Variants in SLCO4A1 observed in about 807,000 individuals in gnomAD.
SLCO4A1 encodes colon organic anion transporter.
In SLCO4A1, 51 loss-of-function variants were observed where a neutral mutation model predicts 64.6. That is an observed-to-expected ratio of 0.79 (90% CI 0.63 to 1.00). The LOEUF (loss-of-function observed/expected upper bound fraction) is 1.00. Ranked by LOEUF, SLCO4A1 falls within the 50% of genes least tolerant of loss-of-function variation. The pLI, the probability that SLCO4A1 is intolerant of heterozygous loss-of-function variation, is 0.00. For synonymous variants in SLCO4A1, 471 were observed against 444.9 expected (o/e 1.06, Z -0.74); for missense variants, 919 against 980.5 (o/e 0.94, Z 0.84).
At chr20:62,677,907 G>A (rs1987666963) in intron 2 of SLCO4A1, among the ~76,000 whole-genome samples, 1 of 152,260 alleles carries the variant, frequency 6.6e-6, no homozygotes, top group African/African-American at 2.4e-5. Flanking sequence ...TCCCCAGCTG[G>A]GCTCTCTGTC....
intron 2 of SLCO4A1, among the ~76,000 whole-genome samples, chr20:62,680,388 A>G (rs1041833433): frequency 1.3e-5 from 2 of 152,174 alleles, no homozygotes; most frequent in Non-Finnish European, 2.9e-5. Context: ...TGGAACCTCC[A>G]GTACAATGTC....
chr20:62,690,254 G>A (rs1260470457), downstream of SLCO4A1, among the ~76,000 whole-genome samples: 2 of 152,240 alleles, frequency 1.3e-5, no homozygotes, highest in Non-Finnish European at 2.9e-5. Flanking sequence ...CAGGGAGACA[G>A]ACAACCTCTG....
intron 1 of SLCO4A1, among the ~76,000 whole-genome samples, chr20:62,656,079 C>T (rs1053304433): frequency 6.6e-6 from 1 of 152,274 alleles, no homozygotes; most frequent in Admixed American, 6.5e-5. Flanking sequence ...ACCGCTGAAG[C>T]GGCAGCTTCT....
rs1055176225 is a variant in SLCO4A1 at position 62,644,018 on chromosome 20, T to G, written c.-97+1465T>G. Among the ~76,000 whole-genome samples, 6 of 152,236 alleles carry G rather than the reference T, an allele frequency of 3.9e-5. No homozygotes were observed. Among genetic ancestry groups the G allele is most frequent in the African/African-American group, 1.4e-4 (6 of 41,460 alleles). On this transcript the variant is annotated intron_variant, in intron 1 of 11. Transcript: ENST00000217159. The surrounding 1 kb of genome is among the most constrained non-coding windows in gnomAD (Gnocchi z 5.4). ...CTGATCCAGGCTTGGGCTCCTGTTT[T>G]ACGACTCTGTTCTTAAAGAGGCAAA... is the stretch of plus-strand genomic sequence containing the variant.
At chr20:62,658,569 G>A in intron 2 of SLCO4A1, 108 bp from the exon 3 acceptor site, 2 of 818,806 alleles carry the variant, frequency 2.4e-6, no homozygotes, top group Non-Finnish European at 4.0e-6. Context: ...GTGGGCCGGA[G>A]ATGCAGAATG....
At chr20:62,655,289 C>T (rs572821020) in intron 1 of SLCO4A1, among the ~76,000 whole-genome samples, 5 of 139,412 alleles carry the variant, frequency 3.6e-5, no homozygotes, top group East Asian at 2.3e-4. Context: ...ACAGCAGCCC[C>T]GGGAAGGACC....
At position 62,665,199 on chromosome 20, in the gene SLCO4A1, C is replaced by T. The variant is rs563449831; in HGVS notation, c.1276+111C>T. ...AGACAGGGCACATGGCAGTGAGTGC[C>T]CTCCCACCCCCGCTGCCAGAGCAGG... On this transcript the variant is annotated intron_variant, in intron 6 of 11. Coordinates refer to ENST00000217159, the MANE Select transcript of SLCO4A1 (RefSeq NM_016354.4). 6.8e-5 allele frequency: 83 copies of T among 1,225,872 alleles called. No homozygotes were observed. In the African/African-American group the frequency reaches 9.8e-4, roughly 15 times the overall value. 75.9% of individuals were successfully genotyped at this position (1,225,872 alleles called of 1,614,324 possible). A position where few individuals can be genotyped will look rare whatever the true frequency, so the allele number is the denominator to read the frequency against.
At chr20:62,665,678 C>A (rs1352687061) in intron 6 of SLCO4A1, among the ~76,000 whole-genome samples, 4 of 152,162 alleles carry the variant, frequency 2.6e-5, no homozygotes, top group African/African-American at 9.7e-5. Flanking sequence ...CCCTCCCTCC[C>A]CCACAGGCCC....
In SLCO4A1 at chr20:62,661,079, C is replaced by A; in HGVS notation, c.1025C>A (p.Ala342Glu). Residue 342 changes from alanine to glutamate, a missense_variant, in exon 5 of 12, where the codon GCG (alanine) becomes GAG (glutamate). Ala to Glu is a moderately radical substitution (Grantham distance 107). Coordinates refer to ENST00000217159, the MANE Select transcript of SLCO4A1 (RefSeq NM_016354.4). The surrounding 1 kb of genome is among the most constrained non-coding windows in gnomAD (Gnocchi z 5.2). ...GCCCTTCCAGGCTCCCAGCGCTACG[C>A]GGTCATGAGAGCGGCGGAAATGCAC... ...PRQLPGSQRYAVMRAAEMHQL... is the reference protein window; with the variant it reads ...PRQLPGSQRYEVMRAAEMHQL... 1.2e-6 allele frequency: 2 copies of A among 1,612,024 alleles called. No individual in the cohort carries two copies. The highest frequency in any genetic ancestry group is 1.7e-6 in the Non-Finnish European group (2 of 1,179,338).
chr20:62,688,603 G>A (rs1016152214), downstream of SLCO4A1, among the ~76,000 whole-genome samples: 3 of 152,216 alleles, frequency 2.0e-5, no homozygotes, highest in South Asian at 2.1e-4. Context: ...TGGAATGGAC[G>A]CAGGGCCCAG....
At chr20:62,655,063 C>A (rs1983393054) in intron 1 of SLCO4A1, among the ~76,000 whole-genome samples, 1 of 152,242 alleles carries the variant, frequency 6.6e-6, no homozygotes, top group Non-Finnish European at 1.5e-5. Context: ...GCCTGAGTTT[C>A]AAAAACTGTC....
At chr20:62,666,750 A>AAGGC in intron 7 of SLCO4A1, 175 bp downstream of exon 7, 1 of 626,004 alleles carries the variant, frequency 1.6e-6, no homozygotes, top group Non-Finnish European at 2.8e-6. Flanking sequence ...TCCACGTGAA[A>AAGGC]AGGCACCATG....
Position 62,664,921 on chromosome 20 carries a change from C to T in SLCO4A1, c.1122-13C>T, listed in dbSNP as rs1419564570. 3 of 1,587,272 alleles carry T rather than the reference C, an allele frequency of 1.9e-6. No individual in the cohort carries two copies. The highest frequency in any genetic ancestry group is 2.2e-5 in the East Asian group (1 of 44,514). On this transcript the variant is annotated splice_polypyrimidine_tract_variant and intron_variant, in intron 5 of 11. Transcript: ENST00000217159. ...ACCCTCAGTCTCTTCTCCACACCCC[C>T]ACCTCTGCCCAGCTCCATCTGGCTC...
intron 6 of SLCO4A1, chr20:62,665,974 G>A (rs940959837): frequency 2.8e-5 from 5 of 177,308 alleles, no homozygotes; most frequent in Middle Eastern, 2.4e-3. Flanking sequence ...GCAGGGACTC[G>A]GCAGAGGCCC....
rs1986877226 is a variant in SLCO4A1 at position 62,669,052 on chromosome 20, A to G, written c.1999A>G (p.Ile667Val). 1.9e-6 allele frequency: 3 copies of G among 1,611,260 alleles called. No individual in the cohort carries two copies. The highest frequency in any genetic ancestry group is 2.2e-5 in the South Asian group (2 of 91,088). Residue 667 changes from isoleucine (I) to valine (V), a missense_variant, in exon 11 of 12, where the codon ATA becomes GTA. Coordinates refer to ENST00000217159, the MANE Select transcript of SLCO4A1 (RefSeq NM_016354.4). The stretch of plus-strand genomic sequence containing the variant: ...CCAGAATTCGGCCATGAGCCGCTAC[A>G]TACTCATCATGGGGCTCCTGTACAA... Reference protein sequence around the residue: ...VYQNSAMSRYILIMGLLYKVL... With the variant: ...VYQNSAMSRYVLIMGLLYKVL...
Position 62,667,767 on chromosome 20 carries a change from A to C in SLCO4A1, c.1495A>C (p.Asn499His), listed in dbSNP as rs751277745. Residue 499 changes from asparagine to histidine, a missense_variant, in exon 8 of 12, where the codon AAC (asparagine) becomes CAC (histidine). Transcript: ENST00000217159. The stretch of plus-strand genomic sequence containing the variant: ...CAGCCTCCTGCCCGAAGGCCACCTG[A>C]ACCTAACGGCTCCCTGCAACGCTGC... ...GGSLLPEGHL[N>H]LTAPCNAACS... 14 of 1,610,026 alleles carry C rather than the reference A, an allele frequency of 8.7e-6. No homozygotes were observed. In the Admixed American group the frequency reaches 2.3e-4, roughly 27 times the overall value.
chr20:62,666,586 G>C lies in SLCO4A1; in HGVS notation c.1472+11G>C. ...CAGCTACGGCGGGAGGTGAGGGCCA[G>C]ATGGCACCTGGGTACGCGTCGGGGC... On this transcript the variant is annotated intron_variant, in intron 7 of 11. Coordinates refer to ENST00000217159, the MANE Select transcript of SLCO4A1 (RefSeq NM_016354.4). The C allele has an allele frequency of 1.2e-6, 2 of 1,610,234 alleles. No homozygotes were observed. Among genetic ancestry groups the C allele is most frequent in the Non-Finnish European group, 1.7e-6 (2 of 1,179,050 alleles).
chr20:62,646,901 C>G (rs1472422860), intron 1 of SLCO4A1, among the ~76,000 whole-genome samples: 1 of 152,254 alleles, frequency 6.6e-6, no homozygotes, highest in Non-Finnish European at 1.5e-5. Context: ...GTGGCTTCAC[C>G]CGTCCTCCCC....
chr20:62,660,296 G>A (rs547619124), intron 3 of SLCO4A1, 116 bp from the exon 4 acceptor site: 21 of 1,241,452 alleles, frequency 1.7e-5, no homozygotes, highest in Middle Eastern at 2.8e-4. Flanking sequence ...GTTGACCAGC[G>A]TGCAGACAGA....
Sources: allele counts gnomAD v4.1 joint callset (sites outside exome capture counted in the v4.1 genomes callset), GRCh38; gene constraint gnomAD v4.1.1; non-coding constraint Gnocchi (gnomAD v3.1); transcripts MANE v1.5; gene names NCBI Gene and HGNC (gene_info 2026-07-23, HGNC 2026-07-21).